SMAD3: variants seen among roughly 807,000 people sequenced by gnomAD.
SMAD3 encodes MAD homolog 3.
Under a neutral mutation model 51.8 loss-of-function variants are expected in SMAD3, and 12 were observed. That is an observed-to-expected ratio of 0.23 (90% CI 0.15 to 0.38). The LOEUF is 0.38. SMAD3 is among the 10% of genes least tolerant of loss of function. The pLI, the probability that SMAD3 is intolerant of heterozygous loss-of-function variation, is 1.00. For missense variants in SMAD3, 294 were observed against 565.6 expected (o/e 0.52, Z 4.87); for synonymous variants, 238 against 227.7 (o/e 1.05, Z -0.41).
At chr15:67,121,369 G>A (rs745672182) in intron 1 of SMAD3, among the ~76,000 whole-genome samples, 1 of 152,204 alleles carries the variant, frequency 6.6e-6, no homozygotes, top group Non-Finnish European at 1.5e-5. Context: ...AGGGCATCGT[G>A]GGTGGCTCTC....
chr15:67,109,871 G>A (rs966629745), intron 1 of SMAD3, among the ~76,000 whole-genome samples: 3 of 152,252 alleles, frequency 2.0e-5, no homozygotes, highest in South Asian at 4.1e-4. Flanking sequence ...GTGCCAGCCC[G>A]CTCCTCCTCC....
intron 1 of SMAD3, chr15:67,138,040 A>G (rs1324994843): frequency 6.4e-7 from 1 of 1,551,458 alleles, no homozygotes; most frequent in African/African-American, 1.4e-5. Context: ...TCTTGCCTGC[A>G]CCCTAGGCAA....
intron 1 of SMAD3, among the ~76,000 whole-genome samples, chr15:67,089,795 A>G (rs966509033): frequency 6.6e-6 from 1 of 152,234 alleles, no homozygotes; most frequent in African/African-American, 2.4e-5. Context: ...AGTGGGTGCT[A>G]GTCTGGATGA....
intron 1 of SMAD3, among the ~76,000 whole-genome samples, chr15:67,139,590 G>A (rs1272743044): frequency 6.6e-6 from 1 of 152,136 alleles, no homozygotes; most frequent in Non-Finnish European, 1.5e-5. Context: ...CTAGGGTTTG[G>A]TATGGAAAGC....
intron 5 of SMAD3, among the ~76,000 whole-genome samples, chr15:67,174,863 C>G (rs1412925955): frequency 1.3e-5 from 2 of 152,220 alleles, no homozygotes; most frequent in East Asian, 1.9e-4. Flanking sequence ...GTGTTAGCCC[C>G]AGGGCTCAGG....
intron 1 of SMAD3, among the ~76,000 whole-genome samples, chr15:67,105,166 G>A (rs1960848607): frequency 6.6e-6 from 1 of 152,194 alleles, no homozygotes; most frequent in African/African-American, 2.4e-5. Context: ...TGTGACCTTA[G>A]GCAAGTCAGT....
At chr15:67,125,781 G>A (rs1961369491) in intron 1 of SMAD3, 1 of 985,650 alleles carries the variant, frequency 1.0e-6, no homozygotes, top group Non-Finnish European at 1.2e-6. Flanking sequence ...CACTGGTGCT[G>A]GGGTTAGGTC....
intron 1 of SMAD3, among the ~76,000 whole-genome samples, chr15:67,121,857 C>T (rs1309544870): frequency 2.0e-5 from 3 of 152,250 alleles, no homozygotes; most frequent in African/African-American, 7.2e-5. Context: ...CACCACTGTG[C>T]TAGGCAGTTT....
intron 1 of SMAD3, among the ~76,000 whole-genome samples, chr15:67,135,536 C>T (rs1961637568): frequency 6.7e-6 from 1 of 149,910 alleles, no homozygotes; most frequent in East Asian, 1.9e-4. Context: ...TTCATTTTCC[C>T]TTCCACTTAA....
intron 2 of SMAD3, 64 bp downstream of exon 2, chr15:67,165,152 C>T (rs1473406716): frequency 1.9e-6 from 3 of 1,611,196 alleles, no homozygotes; most frequent in Admixed American, 1.7e-5. Flanking sequence ...TCCCCGGCTC[C>T]CCATCCCCCC....
At position 67,192,968 on chromosome 15, in the gene SMAD3, G is replaced by A. The variant is rs1963404822; in HGVS notation, c.*2432G>A. Reference sequence around the variant, plus strand: ...ATTGACTAGACCACCAGAGGAGGATGTGTGGGATTGTAGGCAAACCCACCT... The same window carrying A: ...ATTGACTAGACCACCAGAGGAGGATATGTGGGATTGTAGGCAAACCCACCT... On this transcript the variant is annotated 3_prime_UTR_variant, in exon 9 of 9. Transcript: ENST00000327367. 1 of 233,112 alleles carries A rather than the reference G, an allele frequency of 4.3e-6. No homozygotes were observed. Among genetic ancestry groups the A allele is most frequent in the Non-Finnish European group, 8.5e-6 (1 of 117,946 alleles). 14.4% of individuals were successfully genotyped at this position (233,112 alleles called of 1,614,324 possible).
chr15:67,115,829 G>A (rs1009250240), intron 1 of SMAD3, among the ~76,000 whole-genome samples: 1 of 152,252 alleles, frequency 6.6e-6, no homozygotes, highest in Non-Finnish European at 1.5e-5. Context: ...AGTCATGCAT[G>A]AGAAGTCCAG....
chr15:67,166,675 C>T lies in SMAD3; in HGVS notation c.533-104C>T, dbSNP rs7179893. The T allele has an allele frequency of 0.11, 85,604 of 788,358 alleles. 8,519 individuals carry two copies. The highest frequency in any genetic ancestry group is 0.33 in the East Asian group (12,483 of 37,510). The allele number at this position is 788,358 out of a possible 1,614,324, so 48.8% of individuals were successfully genotyped here. A position where few individuals can be genotyped will look rare whatever the true frequency, so the allele number is the denominator to read the frequency against. On this transcript the variant is annotated intron_variant, in intron 3 of 8. Transcript: ENST00000327367. Reference sequence around the variant, plus strand: ...CCAAGACCTGGAGCTCCTACAGCCACGGATGCTAGCATCATGGTGTGCATG... The same window carrying T: ...CCAAGACCTGGAGCTCCTACAGCCATGGATGCTAGCATCATGGTGTGCATG...
intron 1 of SMAD3, among the ~76,000 whole-genome samples, chr15:67,158,697 T>C (rs566164245): frequency 1.2e-4 from 19 of 152,352 alleles, no homozygotes; most frequent in African/African-American, 4.6e-4. Context: ...ATGTGCCTTA[T>C]TATCCACACG....
At chr15:67,104,760 C>T (rs144856121) in intron 1 of SMAD3, among the ~76,000 whole-genome samples, 15 of 152,368 alleles carry the variant, frequency 9.8e-5, no homozygotes, top group African/African-American at 3.6e-4. Context: ...GGGCTTTGCC[C>T]ACCCTCTTCT....
chr15:67,068,150 G>A (rs1959970905), intron 1 of SMAD3, among the ~76,000 whole-genome samples: 1 of 152,226 alleles, frequency 6.6e-6, no homozygotes, highest in South Asian at 2.1e-4. Flanking sequence ...ATGGAAAGTA[G>A]ATAAGGTTGT....
intron 1 of SMAD3, among the ~76,000 whole-genome samples, chr15:67,144,633 G>A (rs546024369): frequency 6.6e-6 from 1 of 152,316 alleles, no homozygotes; most frequent in South Asian, 2.1e-4. Context: ...AGTGGTTGAT[G>A]TGTTCAGGAG....
intron 4 of SMAD3, among the ~76,000 whole-genome samples, chr15:67,170,320 A>G (rs1484337845): frequency 1.3e-5 from 2 of 152,218 alleles, no homozygotes; most frequent in Non-Finnish European, 2.9e-5. Context: ...GATCATAATC[A>G]TAAGAGACCT....
chr15:67,181,229 C>T lies in SMAD3; in HGVS notation c.659-12C>T. 6.2e-7 allele frequency: 1 copy of T among 1,610,228 alleles called. No homozygotes were observed. Among genetic ancestry groups the T allele is most frequent in the Non-Finnish European group, 8.5e-7 (1 of 1,178,368 alleles). ...ACACCCAATGACCCAGTAGCCCACCCTGTGTCCACAGACCTGCAGCCAGTT... is the reference window on the plus strand; with the variant it reads ...ACACCCAATGACCCAGTAGCCCACCTTGTGTCCACAGACCTGCAGCCAGTT... On this transcript the variant is annotated splice_polypyrimidine_tract_variant and intron_variant, in intron 5 of 8. Transcript: ENST00000327367.
Sources: allele counts gnomAD v4.1 joint callset (sites outside exome capture counted in the v4.1 genomes callset), GRCh38; gene constraint gnomAD v4.1.1; transcripts MANE v1.5; gene names NCBI Gene and HGNC (gene_info 2026-07-23, HGNC 2026-07-21).